The following MLLT3 variants were observed in gnomAD, a reference collection of about 807,000 sequenced individuals.
MLLT3 encodes the protein protein AF-9.
MLLT3 carries 4 observed loss-of-function variants against 53.2 expected under a neutral mutation model. The ratio of observed to expected loss-of-function variants is 0.08; its 90% CI spans 0.04 to 0.17. MLLT3 has a LOEUF of 0.17. Among genes scored for constraint, MLLT3 ranks in the 10% least tolerant of loss-of-function variants. The pLI, the probability that MLLT3 is intolerant of heterozygous loss-of-function variation, is 1.00. For missense variants in MLLT3, 569 were observed against 684.0 expected, an observed-to-expected ratio of 0.83 and a Z score of 1.87; for synonymous variants, 283 against 230.6, an observed-to-expected ratio of 1.23 and a Z score of -2.06.
At chr9:20,356,697 G>A (rs186071003) in intron 8 of MLLT3, among the ~76,000 whole-genome samples, 22 of 152,300 alleles carry the variant, frequency 1.4e-4, no homozygotes, top group Middle Eastern at 3.4e-3. Flanking sequence ...ACTTGAGGAC[G>A]CTGTATTTGC....
In MLLT3 at chr9:20,413,934, C is replaced by T; in HGVS notation, c.912G>A (p.Glu304=). 6.2e-7 allele frequency: 1 copy of T among 1,613,612 alleles called. No individual in the cohort carries two copies. Among genetic ancestry groups the T allele is most frequent in the Middle Eastern group, 1.7e-4 (1 of 6,056 alleles). ...CGCTAGAAAAACTTTTAAATAAAGCCTCTGAGCTACTCTTTTTCCTTTTTT... is the reference window on the plus strand; with the variant it reads ...CGCTAGAAAAACTTTTAAATAAAGCTTCTGAGCTACTCTTTTTCCTTTTTT... ...SAKKRKKSSS[E]ALFKSFSSAP... is the part of the protein sequence containing the mutation. Residue 304 remains glutamate (E), a synonymous_variant, in exon 5 of 11, where the codon GAG becomes GAA. Coordinates refer to ENST00000380338, the MANE Select transcript of MLLT3 (RefSeq NM_004529.4).
At chr9:20,573,984 T>A (rs560459850) in intron 2 of MLLT3, among the ~76,000 whole-genome samples, 1 of 152,314 alleles carries the variant, frequency 6.6e-6, no homozygotes, top group Admixed American at 6.5e-5. Flanking sequence ...GAAGAACTGG[T>A]GACTGGTTAC....
At position 20,413,999 on chromosome 9, in the gene MLLT3, T is replaced by C; in HGVS notation, c.847A>G (p.Lys283Glu). 2 of 1,614,190 alleles carry C rather than the reference T, an allele frequency of 1.2e-6. No homozygotes were observed. The highest frequency in any genetic ancestry group is 1.7e-6 in the Non-Finnish European group (2 of 1,180,030). Residue 283 changes from lysine to glutamate, a missense_variant, in exon 5 of 11, where the codon AAA (lysine) becomes GAA (glutamate). By Grantham distance (56) the Lys-to-Glu change is moderately conservative. Around this residue, in one of 5 missense-constraint regions of MLLT3, gnomAD observed 437 missense variants for 376.5 expected, o/e 1.16. Transcript: ENST00000380338. ...TCAGAATCTGAAATGGGCGGCCTTT[T>C]ACTAGGAGCCTTCTTATCTTGTCCA... ...TSGQDKKAPS[K>E]RPPISDSEEL...
chr9:20,538,474 C>T (rs1277828809), intron 2 of MLLT3, among the ~76,000 whole-genome samples: 1 of 152,180 alleles, frequency 6.6e-6, no homozygotes, highest in East Asian at 1.9e-4. Flanking sequence ...TGGCTTCCAA[C>T]CTCCACCTCA....
chr9:20,358,505 G>C (rs376380827), intron 8 of MLLT3, among the ~76,000 whole-genome samples: 34 of 152,324 alleles, frequency 2.2e-4, no homozygotes, highest in South Asian at 8.3e-4. Flanking sequence ...TCTCCAGATA[G>C]ACGATACTAT....
intron 2 of MLLT3, among the ~76,000 whole-genome samples, chr9:20,500,781 C>T (rs1289138314): frequency 1.3e-5 from 2 of 152,058 alleles, no homozygotes; most frequent in South Asian, 2.1e-4. Flanking sequence ...TTACAAAAAC[C>T]GAATTCAGAA....
chr9:20,415,054 C>T (rs1385688856), intron 4 of MLLT3, among the ~76,000 whole-genome samples: 1 of 152,098 alleles, frequency 6.6e-6, no homozygotes, highest in Non-Finnish European at 1.5e-5. Context: ...CCCAGCTTCA[C>T]ATAGTAAGGT....
At chr9:20,500,144 T>A (rs1450533885) in intron 2 of MLLT3, among the ~76,000 whole-genome samples, 1 of 152,232 alleles carries the variant, frequency 6.6e-6, no homozygotes, top group Non-Finnish European at 1.5e-5. Context: ...GGTTTGATTG[T>A]GTGGTTCTAG....
At chr9:20,612,975 A>C (rs990936516) in intron 2 of MLLT3, among the ~76,000 whole-genome samples, 1 of 152,210 alleles carries the variant, frequency 6.6e-6, no homozygotes, top group Non-Finnish European at 1.5e-5. Flanking sequence ...ACAAGGTAAC[A>C]TGCACAAAGA....
Position 20,345,965 on chromosome 9 carries a change from C to T in MLLT3, c.*478G>A, listed in dbSNP as rs896835299. ...GGGTGCTGCATTGAAAGAGCATCCA[C>T]GGGACCAAGTACTTATAATGTCTGA... On this transcript the variant is annotated 3_prime_UTR_variant, in exon 11 of 11. Coordinates refer to ENST00000380338, the MANE Select transcript of MLLT3 (RefSeq NM_004529.4). 8 of 232,514 alleles carry T rather than the reference C, an allele frequency of 3.4e-5. No individual in the cohort carries two copies. Among genetic ancestry groups the T allele is most frequent in the Middle Eastern group, 1.3e-3 (1 of 798 alleles). The allele number at this position is 232,514 out of a possible 1,614,324, so 14.4% of individuals were successfully genotyped here.
chr9:20,346,395 C>CAAAAAAAAAAAAAAAAAACAAA lies in MLLT3; in HGVS notation c.*47_*48insTTTGTTTTTTTTTTTTTTTTTT. On this transcript the variant is annotated 3_prime_UTR_variant, in exon 11 of 11. Transcript: ENST00000380338. ...AATCACAACCAAAAAAAAAAAAAAC[C>CAAAAAAAAAAAAAAAAAACAAA]AAAAAAAAAAAACACAATAGTTCTT... The CAAAAAAAAAAAAAAAAAACAAA allele has an allele frequency of 1.0e-6, 1 of 1,001,574 alleles. No individual in the cohort carries two copies. The highest frequency in any genetic ancestry group is 1.3e-6 in the Non-Finnish European group (1 of 764,780). The allele number at this position is 1,001,574 out of a possible 1,614,324, so 62.0% of individuals were successfully genotyped here.
intron 2 of MLLT3, among the ~76,000 whole-genome samples, chr9:20,514,058 C>A (rs1326989193): frequency 6.6e-6 from 1 of 151,894 alleles, no homozygotes; most frequent in East Asian, 1.9e-4. Flanking sequence ...GTCCTCTCCC[C>A]TAGGGAGTAA....
intron 2 of MLLT3, among the ~76,000 whole-genome samples, chr9:20,536,631 G>C (rs542652891): frequency 1.3e-5 from 2 of 152,112 alleles, no homozygotes; most frequent in Non-Finnish European, 2.9e-5. Context: ...CATAGGTAAG[G>C]CATAATACTG....
intron 5 of MLLT3, among the ~76,000 whole-genome samples, chr9:20,374,417 T>G (rs1821698116): frequency 6.6e-6 from 1 of 152,158 alleles, no homozygotes; most frequent in Non-Finnish European, 1.5e-5. Context: ...GCCAAACAAT[T>G]GTGGAAAAAT....
intron 8 of MLLT3, among the ~76,000 whole-genome samples, chr9:20,357,842 G>A (rs7867057): frequency 0.24 from 36,510 of 152,090 alleles, 10,122 homozygotes; most frequent in African/African-American, 0.67. Context: ...AGTATGGAAG[G>A]AGGAAACTCA....
chr9:20,619,577 A>G (rs1241022843), intron 2 of MLLT3, among the ~76,000 whole-genome samples: 8 of 152,250 alleles, frequency 5.3e-5, no homozygotes, highest in Non-Finnish European at 2.9e-5. Flanking sequence ...CAAATGGAAG[A>G]TAACTACTAA....
chr9:20,358,657 G>A (rs1392813656), intron 8 of MLLT3, among the ~76,000 whole-genome samples: 3 of 152,112 alleles, frequency 2.0e-5, no homozygotes, highest in Non-Finnish European at 4.4e-5. Flanking sequence ...GGCATGAAAG[G>A]TGCTTGCTGG....
intron 5 of MLLT3, among the ~76,000 whole-genome samples, chr9:20,393,090 G>T (rs1455869878): frequency 6.6e-6 from 1 of 152,128 alleles, no homozygotes; most frequent in African/African-American, 2.4e-5. Flanking sequence ...AGGAGGCTGA[G>T]ATTGCAGTGA....
chr9:20,419,151 A>C (rs1296262351), intron 4 of MLLT3, among the ~76,000 whole-genome samples: 2 of 152,218 alleles, frequency 1.3e-5, no homozygotes, highest in African/African-American at 2.4e-5. Context: ...ATGACTACTT[A>C]AGGAGAATCA....
Sources: allele counts gnomAD v4.1 joint callset (sites outside exome capture counted in the v4.1 genomes callset), GRCh38; gene constraint gnomAD v4.1.1; regional missense constraint gnomAD v4.1.1; transcripts MANE v1.5; gene names NCBI Gene and HGNC (gene_info 2026-07-23, HGNC 2026-07-21).